The following ATP8B1 variants were observed in gnomAD, a reference collection of about 807,000 sequenced individuals.
ATP8B1 encodes the protein ATPase phospholipid transporting 8B1.
Under a neutral mutation model 149.9 loss-of-function variants are expected in ATP8B1, and 80 were observed. That is an observed-to-expected ratio of 0.53 (90% confidence interval 0.45 to 0.64). The LOEUF is 0.64. Among genes scored for constraint, ATP8B1 ranks in the 30% least tolerant of loss-of-function variants. ATP8B1 has a pLI of 0.00. For missense variants in ATP8B1, 1,247 were observed against 1,552.6 expected, an observed-to-expected ratio of 0.80 and a Z score of 3.31; for synonymous variants, 536 against 562.8, an observed-to-expected ratio of 0.95 and a Z score of 0.67.
intron 20 of ATP8B1, among the ~76,000 whole-genome samples, chr18:57,666,559 G>C (rs1285575465): frequency 4.1e-5 from 6 of 147,224 alleles, no homozygotes; most frequent in African/African-American, 1.3e-4. Context: ...TAATGAGACA[G>C]AGTTTCACTC....
chr18:57,668,278 C>T, intron 19 of ATP8B1, 151 bp downstream of exon 19: 1 of 1,334,348 alleles, frequency 7.5e-7, no homozygotes, highest in Admixed American at 2.1e-5. Flanking sequence ...GCTGGAAAAA[C>T]AGAGGAGGGT....
chr18:57,747,327 C>T, intron 1 of ATP8B1, among the ~76,000 whole-genome samples: 1 of 152,198 alleles, frequency 6.6e-6, no homozygotes, highest in South Asian at 2.1e-4. Flanking sequence ...GTGGCAGGCA[C>T]CTGCAATCCC....
At chr18:57,665,675 C>T (rs1488593413) in intron 20 of ATP8B1, among the ~76,000 whole-genome samples, 2 of 152,164 alleles carry the variant, frequency 1.3e-5, no homozygotes, top group Middle Eastern at 3.4e-3. Context: ...GCCTCAGTCT[C>T]CCGAGTAGCT....
intron 1 of ATP8B1, among the ~76,000 whole-genome samples, chr18:57,790,815 G>T (rs1379494457): frequency 6.6e-6 from 1 of 152,122 alleles, no homozygotes; most frequent in Non-Finnish European, 1.5e-5. Context: ...TTGCCTCCTT[G>T]GTTCAAGCAA....
chr18:57,665,050 C>T lies in ATP8B1; in HGVS notation c.2285+2042G>A, dbSNP rs192148382. Among the ~76,000 whole-genome samples the T allele has an allele frequency of 2.0e-3, 297 of 152,110 alleles. 2 individuals are homozygous for T. The highest frequency in any genetic ancestry group is 7.0e-3 in the African/African-American group (291 of 41,488). On this transcript the variant is annotated intron_variant, in intron 20 of 27. Transcript: ENST00000648908. The stretch of plus-strand genomic sequence containing the variant: ...TACCCACTAGAAGCCAGGAGCACTT[C>T]TCTGCAGCTGAAACAAGCAAGTGTC...
At chr18:57,782,629 G>A (rs2080366816) in intron 1 of ATP8B1, among the ~76,000 whole-genome samples, 1 of 152,040 alleles carries the variant, frequency 6.6e-6, no homozygotes, top group African/African-American at 2.4e-5. Context: ...AGAATGAATG[G>A]TGCGCACACA....
intron 22 of ATP8B1, among the ~76,000 whole-genome samples, chr18:57,656,383 C>A (rs1022300740): frequency 7.1e-6 from 1 of 140,702 alleles, no homozygotes; most frequent in Non-Finnish European, 1.5e-5. Flanking sequence ...ATTTCTTTCT[C>A]TCTCTTTTTT....
intron 2 of ATP8B1, among the ~76,000 whole-genome samples, chr18:57,727,102 T>G (rs186423034): frequency 4.5e-4 from 68 of 151,956 alleles, no homozygotes; most frequent in African/African-American, 1.6e-3. Flanking sequence ...AACAAATAAA[T>G]AAAAAGAATA....
intron 12 of ATP8B1, among the ~76,000 whole-genome samples, chr18:57,689,784 G>T (rs916672271): frequency 6.6e-6 from 1 of 152,178 alleles, no homozygotes; most frequent in Non-Finnish European, 1.5e-5. Context: ...TTGGGAGGCC[G>T]AGGTGGGCGG....
intron 22 of ATP8B1, among the ~76,000 whole-genome samples, chr18:57,657,095 G>A (rs1910057273): frequency 6.6e-6 from 1 of 151,942 alleles, no homozygotes; most frequent in East Asian, 1.9e-4. Flanking sequence ...CCATCCTCTA[G>A]GTTCCCTCCC....
At chr18:57,726,605 C>T (rs1222245890) in intron 2 of ATP8B1, among the ~76,000 whole-genome samples, 1 of 152,130 alleles carries the variant, frequency 6.6e-6, no homozygotes, top group African/African-American at 2.4e-5. Context: ...AGAGTGTCTT[C>T]CTATGGTGAC....
In ATP8B1 at chr18:57,648,656, C is replaced by T; in HGVS notation, c.3588G>A (p.Gln1196=). The change falls in exon 28 of 28, where the codon CAG becomes CAA. Residue 1196 remains glutamine (Q), a synonymous_variant. Coordinates refer to ENST00000648908, the MANE Select transcript of ATP8B1 (RefSeq NM_001374385.1). ...GCGTTGACACGCCCCGGCGGAACAC[C>T]TGCTGCCGTCGCTGCCACTGCTCCT... The part of the protein sequence containing the change: ...KAEEQWQRRQ[Q]VFRRGVSTRR... The T allele has an allele frequency of 6.3e-7, 1 of 1,580,854 alleles. No homozygotes were observed.
intron 2 of ATP8B1, 161 bp downstream of exon 2, chr18:57,731,466 G>A: frequency 1.2e-6 from 1 of 834,978 alleles, no homozygotes; most frequent in Non-Finnish European, 2.0e-6. Flanking sequence ...ATGGGTACTT[G>A]TCCAAGCCCA....
At chr18:57,686,129 G>A (rs992461316) in intron 13 of ATP8B1, among the ~76,000 whole-genome samples, 1 of 150,490 alleles carries the variant, frequency 6.6e-6, no homozygotes, top group African/African-American at 2.5e-5. Flanking sequence ...AGGCATGGTG[G>A]TGTGTGCCTG....
chr18:57,690,051 AAATC>A (rs1282921631), intron 12 of ATP8B1, among the ~76,000 whole-genome samples: 1 of 152,162 alleles, frequency 6.6e-6, no homozygotes, highest in Non-Finnish European at 1.5e-5. Context: ...AAACAAACAA[AAATC>A]AAAGCAAAGC....
intron 12 of ATP8B1, 151 bp downstream of exon 12, chr18:57,691,656 C>T (rs1599120755): frequency 6.7e-6 from 7 of 1,039,554 alleles, no homozygotes; most frequent in Non-Finnish European, 9.5e-6. Context: ...ATTTCCTTTT[C>T]CTCTCTTACC....
At chr18:57,771,821 C>T (rs2080266269) in intron 1 of ATP8B1, among the ~76,000 whole-genome samples, 1 of 152,094 alleles carries the variant, frequency 6.6e-6, no homozygotes, top group Non-Finnish European at 1.5e-5. Flanking sequence ...AGAAAAACCA[C>T]ATTCAAAAGG....
At chr18:57,681,068 A>G (rs1305744256) in intron 15 of ATP8B1, among the ~76,000 whole-genome samples, 1 of 152,206 alleles carries the variant, frequency 6.6e-6, no homozygotes, top group East Asian at 1.9e-4. Context: ...AGCTGACCTT[A>G]AAATAGATTA....
intron 1 of ATP8B1, among the ~76,000 whole-genome samples, chr18:57,767,028 G>A (rs1157291409): frequency 2.0e-5 from 3 of 152,128 alleles, no homozygotes; most frequent in Non-Finnish European, 4.4e-5. Flanking sequence ...ATCTTTCCAT[G>A]TCATGGGCAG....
Sources: gnomAD v4.1 joint callset for allele counts (sites outside exome capture counted in the v4.1 genomes callset) on GRCh38, gnomAD v4.1.1 for gene constraint, MANE v1.5 for transcripts, NCBI Gene and HGNC (gene_info 2026-07-23, HGNC 2026-07-21) for gene names.